The following NWD2 variants were observed in gnomAD, a reference collection of about 807,000 sequenced individuals.
NWD2 encodes NACHT and WD repeat domain-containing protein 2.
A neutral mutation model predicts 132.7 loss-of-function variants in NWD2; 37 were observed. That is an observed-to-expected ratio of 0.28 (90% CI 0.21 to 0.37). The LOEUF is 0.37. NWD2 is among the 10% of genes least tolerant of loss of function. The pLI, the probability that NWD2 is intolerant of heterozygous loss-of-function variation, is 1.00. For missense variants in NWD2, 1,592 were observed against 2,122.4 expected, an observed-to-expected ratio of 0.75 and a Z score of 4.91; for synonymous variants, 705 against 803.0, an observed-to-expected ratio of 0.88 and a Z score of 2.06.
intron 3 of NWD2, among the ~76,000 whole-genome samples, chr4:37,408,838 C>T (rs898643946): frequency 9.9e-5 from 15 of 152,194 alleles, no homozygotes; most frequent in African/African-American, 3.6e-4. Context: ...AAACAAGAGG[C>T]AGCAATCTTT....
intron 1 of NWD2, among the ~76,000 whole-genome samples, chr4:37,293,214 A>G (rs182027768): frequency 7.6e-4 from 115 of 152,234 alleles, no homozygotes; most frequent in African/African-American, 2.7e-3. Flanking sequence ...AACCTCTTCA[A>G]CTTTCTCTTT....
intron 1 of NWD2, among the ~76,000 whole-genome samples, chr4:37,311,931 A>G (rs1381076382): frequency 2.6e-5 from 4 of 151,590 alleles, no homozygotes; most frequent in Admixed American, 6.5e-5. Flanking sequence ...CAAAGATCAG[A>G]TAGTTGTAGA....
chr4:37,413,275 G>C (rs1721199103), intron 3 of NWD2, among the ~76,000 whole-genome samples: 1 of 152,056 alleles, frequency 6.6e-6, no homozygotes, highest in African/African-American at 2.4e-5. Flanking sequence ...AAATGTACAA[G>C]AAAAAAGCAA....
intron 2 of NWD2, among the ~76,000 whole-genome samples, chr4:37,329,265 C>T (rs999124990): frequency 1.4e-4 from 22 of 152,170 alleles, no homozygotes; most frequent in African/African-American, 4.8e-4. Context: ...AAGGAGCAAA[C>T]CAACCAGACC....
At chr4:37,383,316 T>G (rs1401938766) in intron 3 of NWD2, among the ~76,000 whole-genome samples, 5 of 152,234 alleles carry the variant, frequency 3.3e-5, no homozygotes, top group Non-Finnish European at 7.3e-5. Context: ...CTAAGATATC[T>G]CTTTAGATTT....
intron 3 of NWD2, among the ~76,000 whole-genome samples, chr4:37,366,131 T>C (rs1029200454): frequency 6.6e-6 from 1 of 152,166 alleles, no homozygotes; most frequent in African/African-American, 2.4e-5. Context: ...TCTCCATGAA[T>C]GCTCAATGCT....
At chr4:37,353,925 G>A (rs758118032) in intron 2 of NWD2, among the ~76,000 whole-genome samples, 12 of 151,466 alleles carry the variant, frequency 7.9e-5, no homozygotes, top group South Asian at 2.1e-4. Flanking sequence ...GAGAAGAGGC[G>A]TTCAGTTTTT....
chr4:37,391,345 T>TA (rs1379309389), intron 3 of NWD2, among the ~76,000 whole-genome samples: 4 of 152,172 alleles, frequency 2.6e-5, no homozygotes, highest in Non-Finnish European at 5.9e-5. Flanking sequence ...TCATATGTGT[T>TA]ACATGTAGAC....
At chr4:37,308,854 C>T (rs1474179233) in intron 1 of NWD2, among the ~76,000 whole-genome samples, 2 of 151,344 alleles carry the variant, frequency 1.3e-5, no homozygotes, top group Non-Finnish European at 1.5e-5. Flanking sequence ...TGCAAGCACA[C>T]TGTGGCTTCC....
intron 3 of NWD2, among the ~76,000 whole-genome samples, chr4:37,407,728 A>T (rs1291029079): frequency 6.6e-6 from 1 of 152,246 alleles, no homozygotes; most frequent in Non-Finnish European, 1.5e-5. Flanking sequence ...TTAAGAAATT[A>T]TCCTTGATAG....
At position 37,383,700 on chromosome 4, in the gene NWD2, C is replaced by T. The variant is rs115243884; in HGVS notation, c.357+27218C>T. 8.0e-3 allele frequency among the ~76,000 whole-genome samples: 1,225 copies of T among 152,322 alleles called. 10 individuals are homozygous for T. Among genetic ancestry groups the T allele is most frequent in the Middle Eastern group, 0.017 (5 of 294 alleles). On this transcript the variant is annotated intron_variant, in intron 3 of 6. Transcript: ENST00000309447. ...GCAGCCTTTTCATATCACACCTGCCCACATAGGTAACTGCTTTGTACACTA... is the reference window on the plus strand; with the variant it reads ...GCAGCCTTTTCATATCACACCTGCCTACATAGGTAACTGCTTTGTACACTA...
At chr4:37,248,748 G>C (rs1419064239) in intron 1 of NWD2, among the ~76,000 whole-genome samples, 1 of 152,194 alleles carries the variant, frequency 6.6e-6, no homozygotes, top group Non-Finnish European at 1.5e-5. Context: ...TCTCTGTCTT[G>C]ATTCTTTATC....
At chr4:37,349,035 G>A (rs1006286615) in intron 2 of NWD2, among the ~76,000 whole-genome samples, 1 of 151,988 alleles carries the variant, frequency 6.6e-6, no homozygotes, top group East Asian at 1.9e-4. Flanking sequence ...TGGCTGAATA[G>A]TATTCCATGG....
intron 1 of NWD2, among the ~76,000 whole-genome samples, chr4:37,274,468 C>G (rs1205226214): frequency 6.6e-6 from 1 of 152,064 alleles, no homozygotes; most frequent in Non-Finnish European, 1.5e-5. Context: ...AAGTCCAGGA[C>G]CAGACAGATT....
intron 1 of NWD2, among the ~76,000 whole-genome samples, chr4:37,270,811 A>G (rs1594983): frequency 0.66 from 100,183 of 151,540 alleles, 34,799 homozygotes; most frequent in African/African-American, 0.9. Flanking sequence ...GGTTTTTAGC[A>G]CAAAGAAATC....
At chr4:37,282,749 A>T (rs866675525) in intron 1 of NWD2, among the ~76,000 whole-genome samples, 6 of 152,314 alleles carry the variant, frequency 3.9e-5, no homozygotes, top group Middle Eastern at 3.4e-3. Context: ...AAGCTACACC[A>T]TGAGTATCCT....
intron 2 of NWD2, among the ~76,000 whole-genome samples, chr4:37,341,943 T>C (rs1011191882): frequency 1.3e-5 from 2 of 152,082 alleles, no homozygotes; most frequent in African/African-American, 4.8e-5. Flanking sequence ...GGAGATACTT[T>C]AGGGAGCTGA....
chr4:37,259,972 A>G lies in NWD2; in HGVS notation c.151+14754A>G, dbSNP rs555295780. 2.0e-4 allele frequency among the ~76,000 whole-genome samples: 31 copies of G among 152,340 alleles called. No homozygotes were observed. In the South Asian group the frequency reaches 5.6e-3, roughly 27 times the overall value. ...CAATGAGAAATCGAATACTGTTTGT[A>G]CTATGGTCTGGCTGCATTATGACTT... On this transcript the variant is annotated intron_variant, in intron 1 of 6. Coordinates refer to ENST00000309447, the MANE Select transcript of NWD2 (RefSeq NM_001144990.2).
intron 1 of NWD2, among the ~76,000 whole-genome samples, chr4:37,316,888 T>C (rs1236859779): frequency 6.6e-6 from 1 of 152,194 alleles, no homozygotes; most frequent in Non-Finnish European, 1.5e-5. Context: ...TGAGTGATGT[T>C]TTTTAGTTTG....
Sources: allele counts gnomAD v4.1 joint callset (sites outside exome capture counted in the v4.1 genomes callset), GRCh38; gene constraint gnomAD v4.1.1; transcripts MANE v1.5; gene names NCBI Gene and HGNC (gene_info 2026-07-23, HGNC 2026-07-21).